Variants in ARNT observed in about 807,000 individuals in gnomAD.
The protein encoded by ARNT is class E basic helix-loop-helix protein 2.
ARNT carries 30 observed loss-of-function variants against 105.0 expected under a neutral mutation model. The ratio of observed to expected loss-of-function variants is 0.29; its 90% CI spans 0.21 to 0.39. The LOEUF is 0.39. ARNT is among the 10% of genes least tolerant of loss of function. The probability of loss-of-function intolerance (pLI) is 1.00; values close to 1 mark genes in which losing one functional copy is unlikely to be tolerated. For missense variants in ARNT, 748 were observed against 978.7 expected, an observed-to-expected ratio of 0.76 and a Z score of 3.15; for synonymous variants, 304 against 344.0, an observed-to-expected ratio of 0.88 and a Z score of 1.29.
intron 20 of ARNT, 76 bp downstream of exon 20, chr1:150,814,001 A>C (rs1655298046): frequency 6.4e-7 from 1 of 1,552,894 alleles, no homozygotes; most frequent in African/African-American, 1.4e-5. Context: ...CAACACAGGC[A>C]AACAACTTTA....
At chr1:150,818,278 A>G in intron 14 of ARNT, 1 of 391,170 alleles carries the variant, frequency 2.6e-6, no homozygotes, top group Non-Finnish European at 4.6e-6. Context: ...GGTATTCAAA[A>G]CCTGGTTATT....
chr1:150,846,360 T>C (rs1191331477), intron 3 of ARNT, 53 bp from the exon 4 acceptor site: 1 of 1,572,896 alleles, frequency 6.4e-7, no homozygotes. Context: ...TATATCTATT[T>C]CACTCTGAAA....
At chr1:150,824,684 A>G (rs1245199297) in intron 13 of ARNT, among the ~76,000 whole-genome samples, 1 of 151,278 alleles carries the variant, frequency 6.6e-6, no homozygotes, top group East Asian at 1.9e-4. Context: ...CAAACTCCTG[A>G]CCTCAAATGA....
intron 15 of ARNT, among the ~76,000 whole-genome samples, 156 bp downstream of exon 15, chr1:150,817,764 G>A (rs587628985): frequency 8.0e-5 from 12 of 149,196 alleles, no homozygotes; most frequent in African/African-American, 3.0e-4. Flanking sequence ...AGCCTAGATC[G>A]TGCCATTGTA....
intron 19 of ARNT, 35 bp from the exon 20 acceptor site, chr1:150,814,274 A>G: frequency 6.2e-7 from 1 of 1,600,280 alleles, no homozygotes; most frequent in South Asian, 1.1e-5. Flanking sequence ...TAGAACAAAT[A>G]CAGCATTAAC....
At chr1:150,851,408 C>T (rs1295524641) in intron 3 of ARNT, among the ~76,000 whole-genome samples, 24 of 150,624 alleles carry the variant, frequency 1.6e-4, no homozygotes, top group East Asian at 5.8e-4. Flanking sequence ...GCGGTTTTGT[C>T]GAATAGAAAA....
At chr1:150,823,369 G>A (rs1029559641) in intron 13 of ARNT, 24 bp from the exon 14 acceptor site, 2 of 1,550,924 alleles carry the variant, frequency 1.3e-6, no homozygotes, top group Non-Finnish European at 1.7e-6. Flanking sequence ...CATGCCATCA[G>A]TGGAACTCAT....
At position 150,871,294 on chromosome 1, in the gene ARNT, GTTTTTTTTTTT is replaced by G. The variant is rs754698911; in HGVS notation, c.25+5238_25+5248del. ...CATTATGGCATATTAGGCAGTCGTGGTTTTTTTTTTTTTTTTTTTTTTTTTAGACGGAGTCT... is the reference window on the plus strand; with the variant it reads ...CATTATGGCATATTAGGCAGTCGTGGTTTTTTTTTTTTTTAGACGGAGTCT... On this transcript the variant is annotated intron_variant, in intron 1 of 21. Coordinates refer to ENST00000358595, the MANE Select transcript of ARNT (RefSeq NM_001668.4). Among the ~76,000 whole-genome samples the G allele has an allele frequency of 2.6e-4, 25 of 94,676 alleles. No homozygotes were observed. The South Asian group carries it at 0.012, about 44-fold the overall frequency. The allele number at this position is 94,676 out of a possible 152,430, so 62.1% of individuals were successfully genotyped here.
chr1:150,816,662 G>A (rs996502152), intron 18 of ARNT, 126 bp downstream of exon 18: 14 of 1,156,298 alleles, frequency 1.2e-5, no homozygotes, highest in African/African-American at 4.7e-5. Context: ...TTTGCCTCAC[G>A]CTAGGCCCTA....
intron 17 of ARNT, 37 bp from the exon 18 acceptor site, chr1:150,816,927 G>A: frequency 6.2e-7 from 1 of 1,605,222 alleles, no homozygotes; most frequent in Non-Finnish European, 8.5e-7. Context: ...GGCCAGTCAA[G>A]GGGCTGTAGT....
chr1:150,830,086 C>A, intron 10 of ARNT, 106 bp from the exon 11 acceptor site: 1 of 1,262,254 alleles, frequency 7.9e-7, no homozygotes, highest in Non-Finnish European at 1.1e-6. Flanking sequence ...GGGCCAGGCA[C>A]CGTGGCTGAC....
At chr1:150,813,968 C>T (rs1655293828) in intron 20 of ARNT, 109 bp downstream of exon 20, 1 of 1,387,288 alleles carries the variant, frequency 7.2e-7, no homozygotes, top group African/African-American at 1.4e-5. Context: ...TTGCATTTCC[C>T]TACAATCAGG....
chr1:150,831,949 G>A (rs755027491), intron 9 of ARNT, 46 bp from the exon 10 acceptor site: 33 of 1,263,862 alleles, frequency 2.6e-5, no homozygotes, highest in South Asian at 1.8e-4. Context: ...AAATCTACCC[G>A]TAAAACTCAA....
rs1444841711 is a variant in ARNT, at chr1:150,833,243, C to G, written c.804-844G>C. Among the ~76,000 whole-genome samples the G allele has an allele frequency of 8.7e-4, 133 of 152,280 alleles. 1 individual carries two copies. Among genetic ancestry groups the G allele is most frequent in the Non-Finnish European group, 2.9e-4 (20 of 68,020 alleles). On this transcript the variant is annotated intron_variant, in intron 8 of 21. Transcript: ENST00000358595. ...TACACGCTGGGTGCAGTGGTTCAGG[C>G]CTGTAATCTCAGCACTTTGGGAGGC...
At chr1:150,853,154 G>A (rs10305672) in intron 2 of ARNT, 109,370 of 303,072 alleles carry the variant, frequency 0.36, 21,163 homozygotes, top group South Asian at 0.52. Flanking sequence ...GGTGGCGGGT[G>A]CCTGTAATCT....
chr1:150,855,428 G>A (rs1184338867), intron 2 of ARNT, among the ~76,000 whole-genome samples: 2 of 152,022 alleles, frequency 1.3e-5, no homozygotes, highest in Admixed American at 6.5e-5. Context: ...CAGACGTGGT[G>A]GTGGACGCCT....
chr1:150,837,672 T>G (rs916121443), intron 6 of ARNT, among the ~76,000 whole-genome samples: 2 of 152,178 alleles, frequency 1.3e-5, no homozygotes, highest in Non-Finnish European at 2.9e-5. Context: ...CCATACTTTC[T>G]TCCTGGGAAA....
In ARNT at chr1:150,814,078, A is replaced by G. The variant is rs761557649; in HGVS notation, c.2112T>C (p.Phe704=). 1.2e-6 allele frequency: 2 copies of G among 1,614,102 alleles called. No homozygotes were observed. Among genetic ancestry groups the G allele is most frequent in the Non-Finnish European group, 1.7e-6 (2 of 1,179,986 alleles). The change falls in exon 20 of 22, where the codon TTT becomes TTC. Residue 704 remains phenylalanine (F), a splice_region_variant and synonymous_variant. Transcript: ENST00000358595. ...ACTCTCCTTATGGTCTGGACTCACC[A>G]AAGTTAGATCCACGATTGGTGAGAC... ...YPSLTNRGSN[F]APETGQTAGQ...
In ARNT at chr1:150,816,377, A is replaced by G. The variant is rs1347691368; in HGVS notation, c.1832T>C (p.Ile611Thr). ...RNSGLAPPVTIVQPSASAGQM... is the reference protein window; with the variant it reads ...RNSGLAPPVTTVQPSASAGQM... ...TCCTGCAGAAGCTGATGGCTGGACA[A>G]TGGTTACAGGAGGGGCTAGGCCACT... The change falls in exon 19 of 22, where the codon ATT (isoleucine) becomes ACT (threonine). Residue 611 changes from isoleucine to threonine, a missense_variant. Ile to Thr is a moderately conservative substitution (Grantham distance 89, BLOSUM62 -1). Around this residue, in one of 4 missense-constraint regions of ARNT, gnomAD observed 360 missense variants for 411.9 expected, o/e 0.87. Coordinates refer to ENST00000358595, the MANE Select transcript of ARNT (RefSeq NM_001668.4). The G allele has an allele frequency of 1.2e-6, 2 of 1,608,258 alleles. No individual in the cohort carries two copies. The highest frequency in any genetic ancestry group is 2.7e-5 in the African/African-American group (2 of 74,350).
Sources: gnomAD v4.1 joint callset for allele counts (sites outside exome capture counted in the v4.1 genomes callset) on GRCh38, gnomAD v4.1.1 for gene constraint, gnomAD v4.1.1 regional missense constraint, MANE v1.5 for transcripts, NCBI Gene and HGNC (gene_info 2026-07-23, HGNC 2026-07-21) for gene names.